Variants in CTNNA2 observed in about 807,000 individuals in gnomAD.
The protein encoded by CTNNA2 is catenin alpha 2.
In CTNNA2, 42 loss-of-function variants were observed where a neutral mutation model predicts 101.0. The ratio of observed to expected loss-of-function variants is 0.42; its 90% CI spans 0.32 to 0.54. CTNNA2 has a LOEUF of 0.54. Ranked by LOEUF, CTNNA2 falls within the 20% of genes least tolerant of loss-of-function variation. The pLI, the probability that CTNNA2 is intolerant of heterozygous loss-of-function variation, is 0.14. For synonymous variants in CTNNA2, 450 were observed against 456.4 expected (o/e 0.99, Z 0.18); for missense variants, 871 against 1,223.1 (o/e 0.71, Z 4.29).
intron 1 of CTNNA2, among the ~76,000 whole-genome samples, chr2:79,599,055 A>G (rs556871403): frequency 9.9e-5 from 15 of 152,156 alleles, no homozygotes; most frequent in Non-Finnish European, 1.9e-4. Context: ...TTTTGAAAAG[A>G]GTATCTTTGC....
intron 4 of CTNNA2, chr2:79,500,929 T>C (rs1375462186): frequency 6.6e-6 from 1 of 152,238 alleles, no homozygotes; most frequent in African/African-American, 2.4e-5. Flanking sequence ...TACACCGTTT[T>C]GTCACTTTTG....
At position 80,647,968 on chromosome 2, in the gene CTNNA2, C is replaced by A. The variant is rs536594736; in HGVS notation, c.*96C>A. The A allele has an allele frequency of 3.6e-5, 43 of 1,200,192 alleles. No homozygotes were observed. The South Asian group carries it at 6.3e-4, about 18-fold the overall frequency. 74.3% of individuals were successfully genotyped at this position (1,200,192 alleles called of 1,614,324 possible). ...GTATGCATACCTGCCAGCTCGTATG[C>A]CTCTGGCATGGGGAAATTAAGGGAA... On this transcript the variant is annotated 3_prime_UTR_variant, in exon 19 of 19. Coordinates refer to ENST00000402739, the MANE Select transcript of CTNNA2 (RefSeq NM_001282597.3).
rs763087951 is a variant in CTNNA2, at chr2:80,302,365, G to A, written c.1057-90846G>A. The A allele has an allele frequency of 3.1e-6, 5 of 1,614,094 alleles. No homozygotes were observed. The Admixed American group carries it at 5.0e-5, about 16-fold the overall frequency. On this transcript the variant is annotated intron_variant, in intron 7 of 18. Coordinates refer to ENST00000402739, the MANE Select transcript of CTNNA2 (RefSeq NM_001282597.3). The surrounding 1 kb of genome is among the most constrained non-coding windows in gnomAD (Gnocchi z 6.4). ...GTTTGTAATCAACGTAGTATTCCTG[G>A]GCAGACATGGCAGCCATCTGATGCA... is the stretch of plus-strand genomic sequence containing the variant.
At chr2:80,349,947 G>T (rs940537422) in intron 7 of CTNNA2, among the ~76,000 whole-genome samples, 2 of 152,058 alleles carry the variant, frequency 1.3e-5, no homozygotes, top group African/African-American at 2.4e-5. Context: ...GGGCTAAATT[G>T]AAGCTGATTT....
intron 2 of CTNNA2, among the ~76,000 whole-genome samples, chr2:79,269,911 G>C (rs1420439878): frequency 6.6e-6 from 1 of 152,118 alleles, no homozygotes; most frequent in African/African-American, 2.4e-5. Flanking sequence ...TAAATCACCT[G>C]CTATAAACTT....
At chr2:79,437,163 G>T in intron 4 of CTNNA2, among the ~76,000 whole-genome samples, 1 of 151,916 alleles carries the variant, frequency 6.6e-6, no homozygotes, top group Middle Eastern at 3.4e-3. Context: ...GAAACCGGGA[G>T]GCAGTGGTTG....
intron 3 of CTNNA2, among the ~76,000 whole-genome samples, chr2:79,829,404 C>CAG (rs1558559742): frequency 7.4e-6 from 1 of 135,838 alleles, no homozygotes; most frequent in African/African-American, 2.7e-5. Context: ...CACACACACA[C>CAG]ACACACACAC....
At chr2:80,472,273 C>G (rs1177154058) in intron 9 of CTNNA2, among the ~76,000 whole-genome samples, 3 of 152,054 alleles carry the variant, frequency 2.0e-5, no homozygotes, top group Non-Finnish European at 2.9e-5. Flanking sequence ...CTCAGTGGCA[C>G]CAAAAGGACT....
At chr2:80,347,079 G>A (rs947426551) in intron 7 of CTNNA2, among the ~76,000 whole-genome samples, 48 of 152,154 alleles carry the variant, frequency 3.2e-4, no homozygotes, top group African/African-American at 1.1e-3. Context: ...TGCTATCTGT[G>A]GACTCATATT....
chr2:79,372,637 G>A (rs1324021200), intron 3 of CTNNA2, among the ~76,000 whole-genome samples: 1 of 152,164 alleles, frequency 6.6e-6, no homozygotes, highest in Non-Finnish European at 1.5e-5. Flanking sequence ...GGGGACAGGG[G>A]AGAAGCAACA....
rs1672404119 is a variant in CTNNA2 at position 79,756,434 on chromosome 2, T to C, written c.298+11852T>C. Among the ~76,000 whole-genome samples, 2 of 152,280 alleles carry C rather than the reference T, an allele frequency of 1.3e-5. 1 individual carries two copies. The highest frequency in any genetic ancestry group is 4.1e-4 in the South Asian group (2 of 4,822). ...AATATGAAATAAAGAAAACATACATTATCTGCTAATAAGAATATTACATTT... is the reference window on the plus strand; with the variant it reads ...AATATGAAATAAAGAAAACATACATCATCTGCTAATAAGAATATTACATTT... On this transcript the variant is annotated intron_variant, in intron 3 of 18. Transcript: ENST00000402739.
At chr2:79,722,598 A>G (rs1354643625) in intron 2 of CTNNA2, among the ~76,000 whole-genome samples, 2 of 152,156 alleles carry the variant, frequency 1.3e-5, no homozygotes, top group African/African-American at 4.8e-5. Flanking sequence ...CCTCTCTTCT[A>G]TTCTGTCTCA....
intron 2 of CTNNA2, among the ~76,000 whole-genome samples, chr2:79,298,569 C>T (rs1461750537): frequency 2.0e-5 from 3 of 152,200 alleles, no homozygotes; most frequent in Non-Finnish European, 4.4e-5. Flanking sequence ...GAGTCTCCTT[C>T]CTGCTCTTCT....
At chr2:79,893,511 A>C (rs758298674) in intron 6 of CTNNA2, among the ~76,000 whole-genome samples, 3 of 152,038 alleles carry the variant, frequency 2.0e-5, no homozygotes, top group African/African-American at 7.3e-5. Flanking sequence ...ATATTGACCA[A>C]CTCTTTAATT....
intron 2 of CTNNA2, among the ~76,000 whole-genome samples, chr2:79,266,691 T>C (rs752874899): frequency 1.3e-4 from 20 of 152,026 alleles, no homozygotes; most frequent in Non-Finnish European, 2.4e-4. Flanking sequence ...ACATCAAAAT[T>C]AGTAAGACTC....
At chr2:80,576,407 C>A (rs528787910) in intron 13 of CTNNA2, 1 of 137,052 alleles carries the variant, frequency 7.3e-6, no homozygotes, top group Non-Finnish European at 1.5e-5. Context: ...TGAGGCTTGT[C>A]CATTGGGATC....
At chr2:80,345,026 A>C (rs1672604391) in intron 7 of CTNNA2, among the ~76,000 whole-genome samples, 1 of 152,080 alleles carries the variant, frequency 6.6e-6, no homozygotes, top group South Asian at 2.1e-4. Flanking sequence ...AATTTTTACA[A>C]ATACTTCCTA....
intron 7 of CTNNA2, among the ~76,000 whole-genome samples, chr2:80,275,720 G>C (rs568823251): frequency 7.0e-4 from 106 of 152,258 alleles, no homozygotes; most frequent in Non-Finnish European, 1.4e-3. Context: ...GAGAAAGAGA[G>C]AGAGAGAGAG....
intron 2 of CTNNA2, among the ~76,000 whole-genome samples, chr2:79,206,111 A>C (rs1674096673): frequency 6.6e-6 from 1 of 152,130 alleles, no homozygotes; most frequent in Non-Finnish European, 1.5e-5. Flanking sequence ...ATTTTTGTTC[A>C]TTTATTTACC....
Sources: allele counts gnomAD v4.1 joint callset (sites outside exome capture counted in the v4.1 genomes callset), GRCh38; gene constraint gnomAD v4.1.1; non-coding constraint Gnocchi (gnomAD v3.1); transcripts MANE v1.5; gene names NCBI Gene and HGNC (gene_info 2026-07-23, HGNC 2026-07-21).